ATP8B1: variants seen among roughly 807,000 people sequenced by gnomAD.
ATP8B1 encodes ATPase phospholipid transporting 8B1, also known as phospholipid-transporting ATPase IC.
Under a neutral mutation model 149.9 loss-of-function variants are expected in ATP8B1, and 80 were observed. That is an observed-to-expected ratio of 0.53 (90% confidence interval 0.45 to 0.64). ATP8B1 has a LOEUF of 0.64. Ranked by LOEUF, ATP8B1 falls within the 30% of genes least tolerant of loss-of-function variation. ATP8B1 has a pLI of 0.00. For synonymous variants in ATP8B1, 536 were observed against 562.8 expected, an observed-to-expected ratio of 0.95 and a Z score of 0.67; for missense variants, 1,247 against 1,552.6, an observed-to-expected ratio of 0.80 and a Z score of 3.31.
At chr18:57,739,725 C>G (rs2123200188) in intron 1 of ATP8B1, among the ~76,000 whole-genome samples, 1 of 152,276 alleles carries the variant, frequency 6.6e-6, no homozygotes, top group African/African-American at 2.4e-5. Flanking sequence ...AAAACAGCAA[C>G]AGTTAAGGTC....
intron 14 of ATP8B1, among the ~76,000 whole-genome samples, chr18:57,684,399 A>G (rs894636166): frequency 6.6e-6 from 1 of 151,526 alleles, no homozygotes; most frequent in African/African-American, 2.4e-5. Context: ...ATGACCATAT[A>G]TGGGTCTCAC....
chr18:57,668,393 G>T, intron 19 of ATP8B1, 36 bp downstream of exon 19: 1 of 1,519,106 alleles, frequency 6.6e-7, no homozygotes, highest in Non-Finnish European at 9.1e-7. Flanking sequence ...AAATATTTGT[G>T]AATTAACAGA....
chr18:57,694,208 T>A lies in ATP8B1; in HGVS notation c.1029+374A>T, dbSNP rs1026800948. Among the ~76,000 whole-genome samples, 8 of 152,244 alleles carry A rather than the reference T, an allele frequency of 5.3e-5. No homozygotes were observed. In the East Asian group the frequency reaches 1.5e-3, roughly 29 times the overall value. ...TTGGGGGTGCTGGGGGAGGCTTGCT[T>A]CTAAGAGAACTGCCTCTATGGGAAA... On this transcript the variant is annotated intron_variant, in intron 11 of 27. Coordinates refer to ENST00000648908, the MANE Select transcript of ATP8B1 (RefSeq NM_001374385.1).
chr18:57,713,263 C>CTTTCTTTCTTTCTTTCTTTCTTTCTT (rs1555694288), intron 2 of ATP8B1, among the ~76,000 whole-genome samples: 2 of 94,526 alleles, frequency 2.1e-5, no homozygotes, highest in African/African-American at 8.4e-5. Flanking sequence ...TTCTTTCTTT[C>CTTTCTTTCTTTCTTTCTTTCTTTCTT]TCTTTCTTTC....
At chr18:57,714,599 G>T (rs1353172794) in intron 2 of ATP8B1, among the ~76,000 whole-genome samples, 1 of 114,254 alleles carries the variant, frequency 8.8e-6, no homozygotes, top group Non-Finnish European at 2.1e-5. Context: ...AGGGGGGAAG[G>T]GGGAGAGAGA....
intron 2 of ATP8B1, among the ~76,000 whole-genome samples, chr18:57,707,086 C>T (rs1913437477): frequency 6.6e-6 from 1 of 152,166 alleles, no homozygotes; most frequent in East Asian, 1.9e-4. Context: ...GCGGGTGAAT[C>T]ACGAGGTCAG....
intron 25 of ATP8B1, 73 bp from the exon 26 acceptor site, chr18:57,652,245 T>C: frequency 6.3e-7 from 1 of 1,586,528 alleles, no homozygotes; most frequent in Non-Finnish European, 8.6e-7. Flanking sequence ...CTAACAATCC[T>C]GAAAACAGAA....
intron 1 of ATP8B1, among the ~76,000 whole-genome samples, chr18:57,775,261 A>T (rs2080296578): frequency 6.6e-6 from 1 of 152,058 alleles, no homozygotes; most frequent in Non-Finnish European, 1.5e-5. Context: ...GGCTGCAGTG[A>T]GCAATGATCA....
intron 1 of ATP8B1, among the ~76,000 whole-genome samples, chr18:57,770,567 C>G (rs995319986): frequency 6.6e-6 from 1 of 152,198 alleles, no homozygotes; most frequent in African/African-American, 2.4e-5. Flanking sequence ...CCCCTGGAGC[C>G]AAATTGTTGA....
At chr18:57,778,956 T>C (rs1270859799) in intron 1 of ATP8B1, among the ~76,000 whole-genome samples, 3 of 152,114 alleles carry the variant, frequency 2.0e-5, no homozygotes, top group Admixed American at 2.0e-4. Context: ...TTCACAAGAA[T>C]CCTGAGATAT....
intron 2 of ATP8B1, among the ~76,000 whole-genome samples, chr18:57,713,159 C>CTTTCTTTCTT (rs1913770559): frequency 1.4e-5 from 1 of 70,502 alleles, no homozygotes; most frequent in Non-Finnish European, 2.6e-5. Context: ...TGATCTTTCT[C>CTTTCTTTCTT]TTTCTTTCTT....
chr18:57,668,127 G>A (rs1430166247), intron 19 of ATP8B1: 2 of 1,353,614 alleles, frequency 1.5e-6, no homozygotes, highest in Non-Finnish European at 9.7e-7. Context: ...AGAGGGACAA[G>A]AGGGATGGCC....
At chr18:57,731,906 C>T in intron 1 of ATP8B1, 74 bp from the exon 2 acceptor site, 1 of 1,277,020 alleles carries the variant, frequency 7.8e-7, no homozygotes, top group Non-Finnish European at 1.1e-6. Context: ...CTGCATGCTG[C>T]TACAATGCCC....
In ATP8B1 at chr18:57,652,728, T is replaced by A; in HGVS notation, c.3017A>T (p.Asp1006Val). 2 of 1,614,146 alleles carry A rather than the reference T, an allele frequency of 1.2e-6. No individual in the cohort carries two copies. Among genetic ancestry groups the A allele is most frequent in the Non-Finnish European group, 1.7e-6 (2 of 1,179,998 alleles). Residue 1006 changes from aspartate to valine, a missense_variant and splice_region_variant, in exon 25 of 28, where the codon GAT (aspartate) becomes GTT (valine). This residue lies in a region of ATP8B1 where 230 missense variants were observed against 356.6 expected (regional missense o/e 0.65). Coordinates refer to ENST00000648908, the MANE Select transcript of ATP8B1 (RefSeq NM_001374385.1). The stretch of plus-strand genomic sequence containing the variant: ...TCGGAGGCTCAGTTTGTCACTCACA[T>A]CCTTAAGGAGAAAACAAAATGATGG... ...PVLLMGLLDQDVSDKLSLRFP... is the reference protein window; with the variant it reads ...PVLLMGLLDQVVSDKLSLRFP...
chr18:57,660,717 G>A (rs1405186266), intron 22 of ATP8B1, among the ~76,000 whole-genome samples: 1 of 152,014 alleles, frequency 6.6e-6, no homozygotes, highest in Non-Finnish European at 1.5e-5. Context: ...CGGGGTTTCA[G>A]CATCTTGATC....
At chr18:57,724,598 A>G (rs2079685365) in intron 2 of ATP8B1, among the ~76,000 whole-genome samples, 1 of 151,406 alleles carries the variant, frequency 6.6e-6, no homozygotes, top group Non-Finnish European at 1.5e-5. Context: ...AAGCCAGGAA[A>G]CAACAGGTGC....
At chr18:57,753,548 A>G (rs918422248) in intron 1 of ATP8B1, among the ~76,000 whole-genome samples, 1 of 152,254 alleles carries the variant, frequency 6.6e-6, no homozygotes, top group African/African-American at 2.4e-5. Context: ...AAGGGAACAC[A>G]TGCTTTATGC....
rs1909382370 is a variant in ATP8B1, at chr18:57,648,852, T to TGTGTGTG, written c.3532-141_3532-140insCACACAC. 302 of 557,554 alleles carry TGTGTGTG rather than the reference T, an allele frequency of 5.4e-4. 30 individuals carry two copies. The highest frequency in any genetic ancestry group is 7.3e-4 in the Admixed American group (28 of 38,242). 34.5% of individuals were successfully genotyped at this position (557,554 alleles called of 1,614,324 possible). A position where few individuals can be genotyped will look rare whatever the true frequency, so the allele number is the denominator to read the frequency against. On this transcript the variant is annotated intron_variant, in intron 27 of 27. Coordinates refer to ENST00000648908, the MANE Select transcript of ATP8B1 (RefSeq NM_001374385.1). ...TTGATGCAGGCAGTTCTGTCCCCAC[T>TGTGTGTG]TGTGTGTGTGTGTGTGTGTGTGTGT...
chr18:57,676,717 C>CAAAAAAAA (rs58101846), intron 15 of ATP8B1, among the ~76,000 whole-genome samples: 10 of 92,176 alleles, frequency 1.1e-4, no homozygotes, highest in Non-Finnish European at 1.4e-4. Flanking sequence ...GACTCCATTT[C>CAAAAAAAA]AAAAAAAAAA....
Sources: allele counts gnomAD v4.1 joint callset (sites outside exome capture counted in the v4.1 genomes callset), GRCh38; gene constraint gnomAD v4.1.1; regional missense constraint gnomAD v4.1.1; transcripts MANE v1.5; gene names NCBI Gene and HGNC (gene_info 2026-07-23, HGNC 2026-07-21).